Variants in PREX1 observed in about 807,000 individuals in gnomAD.
PREX1 encodes the protein phosphatidylinositol 3,4,5-trisphosphate-dependent Rac exchanger 1 protein.
In PREX1, 41 loss-of-function variants were observed where a neutral mutation model predicts 198.3. The observed-to-expected ratio is 0.21, with a 90% confidence interval of 0.16 to 0.27. PREX1 has a LOEUF of 0.27. PREX1 is among the 10% of genes least tolerant of loss of function. The pLI, the probability that PREX1 is intolerant of heterozygous loss-of-function variation, is 1.00. For synonymous variants in PREX1, 843 were observed against 887.2 expected, an observed-to-expected ratio of 0.95 and a Z score of 0.89; for missense variants, 1,620 against 2,200.7, an observed-to-expected ratio of 0.74 and a Z score of 5.28.
At chr20:48,642,788 C>T (rs2089424292) in intron 27 of PREX1, 1 of 271,636 alleles carries the variant, frequency 3.7e-6, no homozygotes. Context: ...CTGGAGGCCA[C>T]GTCTCCTGAT....
chr20:48,794,827 C>G (rs1434921799), intron 1 of PREX1, among the ~76,000 whole-genome samples: 1 of 152,146 alleles, frequency 6.6e-6, no homozygotes, highest in African/African-American at 2.4e-5. Flanking sequence ...GGGTACCAGA[C>G]AGCAGTCCTA....
intron 6 of PREX1, among the ~76,000 whole-genome samples, chr20:48,701,534 G>GT (rs148282230): frequency 2.7e-5 from 4 of 150,752 alleles, no homozygotes; most frequent in Non-Finnish European, 4.4e-5. Flanking sequence ...TTTATTGTGG[G>GT]TTTTTTTTTC....
the PREX1 span, among the ~76,000 whole-genome samples, chr20:48,862,047 T>C: frequency 3.5e-4 from 53 of 151,974 alleles, no homozygotes; most frequent in Admixed American, 2.8e-3. Flanking sequence ...CTGTCTCTAC[T>C]AAAAATACAA....
rs542577892 is a variant in PREX1, at chr20:48,692,745, G to A, written c.963C>T (p.Asn321=). The change falls in exon 8 of 40, where the codon AAC becomes AAT. Residue 321 remains asparagine, a synonymous_variant. Transcript: ENST00000371941. ...GACCCCTGAAGATGTAGAGGGAGCCGTTGATGGATTTGGTCCTCTTGGTGG... is the reference window on the plus strand; with the variant it reads ...GACCCCTGAAGATGTAGAGGGAGCCATTGATGGATTTGGTCCTCTTGGTGG... ...KKSTKRTKSI[N]GSLYIFRGRI... is the part of the protein sequence containing the mutation. 1.1e-4 allele frequency: 185 copies of A among 1,614,090 alleles called. 2 individuals carry two copies. In the South Asian group the frequency reaches 1.8e-3, roughly 16 times the overall value.
intron 1 of PREX1, among the ~76,000 whole-genome samples, chr20:48,777,900 C>T (rs1248044126): frequency 6.6e-6 from 1 of 152,084 alleles, no homozygotes; most frequent in African/African-American, 2.4e-5. Context: ...TCAGATCCCA[C>T]AGCCAGAGGT....
chr20:48,754,750 G>A (rs555834516), intron 1 of PREX1, among the ~76,000 whole-genome samples: 1 of 152,092 alleles, frequency 6.6e-6, no homozygotes, highest in African/African-American at 2.4e-5. Context: ...ACAAAAGGGG[G>A]TGCCCTGAGG....
At chr20:48,698,594 C>T (rs571813859) in intron 7 of PREX1, among the ~76,000 whole-genome samples, 3 of 152,040 alleles carry the variant, frequency 2.0e-5, no homozygotes, top group East Asian at 1.9e-4. Context: ...AAGGAGTGGG[C>T]GAGAATGAAG....
chr20:48,836,917 A>AG, the PREX1 span, among the ~76,000 whole-genome samples: 1 of 150,968 alleles, frequency 6.6e-6, no homozygotes, highest in East Asian at 1.9e-4. Flanking sequence ...AAAAAAAAAA[A>AG]AAAAAAAAAG....
chr20:48,696,975 T>C (rs2089849744), intron 7 of PREX1, among the ~76,000 whole-genome samples: 1 of 81,490 alleles, frequency 1.2e-5, no homozygotes, highest in Non-Finnish European at 2.3e-5. Context: ...TATAAATCTC[T>C]TTACACACAC....
At chr20:48,754,444 T>C (rs954526777) in intron 1 of PREX1, among the ~76,000 whole-genome samples, 2 of 151,988 alleles carry the variant, frequency 1.3e-5, no homozygotes. Flanking sequence ...CCCTTAGGGG[T>C]GCCCCTGGGG....
the PREX1 span, among the ~76,000 whole-genome samples, chr20:48,856,075 G>T: frequency 2.0e-5 from 3 of 152,266 alleles, no homozygotes; most frequent in Admixed American, 2.0e-4. Flanking sequence ...AGCTAATGAA[G>T]TGTGTGTACC....
chr20:48,763,934 T>C (rs2090196104), intron 1 of PREX1, among the ~76,000 whole-genome samples: 1 of 152,112 alleles, frequency 6.6e-6, no homozygotes, highest in African/African-American at 2.4e-5. Context: ...CTCATCTCCA[T>C]TTTACGAAAA....
chr20:48,627,794 C>A (rs554154237), intron 38 of PREX1, 67 bp downstream of exon 38: 5 of 1,503,886 alleles, frequency 3.3e-6, no homozygotes, highest in Non-Finnish European at 3.6e-6. Flanking sequence ...CTCATCCCAC[C>A]CTGGCTGCAA....
intron 1 of PREX1, among the ~76,000 whole-genome samples, chr20:48,811,647 C>CAT (rs1568650807): frequency 7.0e-6 from 1 of 142,172 alleles, no homozygotes; most frequent in African/African-American, 2.9e-5. Context: ...CACACACGTA[C>CAT]GTGTGCATGC....
chr20:48,747,100 G>C (rs1412462826), intron 2 of PREX1, among the ~76,000 whole-genome samples: 4 of 152,094 alleles, frequency 2.6e-5, no homozygotes, highest in Admixed American at 2.6e-4. Context: ...ATTCGGTGTA[G>C]AGCTGTCAAC....
intron 14 of PREX1, among the ~76,000 whole-genome samples, chr20:48,673,762 C>A (rs767516665): frequency 6.6e-6 from 1 of 152,144 alleles, no homozygotes; most frequent in Non-Finnish European, 1.5e-5. Context: ...TTTCTTTAGT[C>A]TTCTATATTG....
chr20:48,714,335 G>A (rs2089951856), intron 5 of PREX1, among the ~76,000 whole-genome samples: 1 of 152,198 alleles, frequency 6.6e-6, no homozygotes, highest in Non-Finnish European at 1.5e-5. Flanking sequence ...AAGACAATCT[G>A]CCTAATGAGG....
the PREX1 span, among the ~76,000 whole-genome samples, chr20:48,865,202 A>G: frequency 6.6e-6 from 1 of 152,220 alleles, no homozygotes; most frequent in African/African-American, 2.4e-5. Flanking sequence ...AACAATTGTC[A>G]TCAACTACCA....
chr20:48,665,616 T>C (rs2089633640), intron 15 of PREX1, among the ~76,000 whole-genome samples: 1 of 152,236 alleles, frequency 6.6e-6, no homozygotes. Flanking sequence ...AAAATGGGGC[T>C]GATGTTAATA....
Sources: gnomAD v4.1 joint callset for allele counts (sites outside exome capture counted in the v4.1 genomes callset) on GRCh38, gnomAD v4.1.1 for gene constraint, MANE v1.5 for transcripts, NCBI Gene and HGNC (gene_info 2026-07-23, HGNC 2026-07-21) for gene names.